The following RUNX2 variants were observed in gnomAD, a reference collection of about 807,000 sequenced individuals.
RUNX2 encodes RUNX family transcription factor 2, also known as runt-related transcription factor 2.
RUNX2 carries 10 observed loss-of-function variants against 51.7 expected under a neutral mutation model. The observed-to-expected ratio is 0.19, with a 90% CI of 0.12 to 0.33. The LOEUF (loss-of-function observed/expected upper bound fraction) is 0.33, where lower values mean the gene tolerates loss of function less well. Ranked by LOEUF, RUNX2 falls within the 10% of genes least tolerant of loss-of-function variation. RUNX2 has a pLI of 1.00. For synonymous variants in RUNX2, 276 were observed against 273.6 expected (o/e 1.01, Z -0.09); for missense variants, 562 against 691.3 (o/e 0.81, Z 2.10).
intron 2 of RUNX2, among the ~76,000 whole-genome samples, chr6:45,351,222 T>C (rs1490211989): frequency 1.3e-5 from 2 of 151,934 alleles, no homozygotes; most frequent in Non-Finnish European, 1.5e-5. Context: ...TCTAAATTAG[T>C]GAAAACACTT....
intron 5 of RUNX2, among the ~76,000 whole-genome samples, chr6:45,451,110 A>G (rs1799158728): frequency 6.6e-6 from 1 of 152,202 alleles, no homozygotes; most frequent in South Asian, 2.1e-4. Flanking sequence ...AGTGAATCAA[A>G]TCAGATTAGC....
intron 5 of RUNX2, among the ~76,000 whole-genome samples, chr6:45,491,625 T>TTG (rs1554395322): frequency 6.9e-5 from 10 of 144,568 alleles, no homozygotes; most frequent in Non-Finnish European, 1.1e-4. Flanking sequence ...CCTGTTTGTT[T>TTG]TTTTTTTTTT....
At chr6:45,428,961 T>C (rs934295518) in intron 3 of RUNX2, among the ~76,000 whole-genome samples, 2 of 151,942 alleles carry the variant, frequency 1.3e-5, no homozygotes, top group African/African-American at 4.8e-5. Flanking sequence ...ACGTACTCAG[T>C]TGAACCCTTT....
chr6:45,509,549 A>G (rs1461223574), intron 6 of RUNX2, among the ~76,000 whole-genome samples: 1 of 152,198 alleles, frequency 6.6e-6, no homozygotes, highest in Non-Finnish European at 1.5e-5. Context: ...ATGTGTGACC[A>G]CTTTACTATA....
chr6:45,442,356 A>G (rs1329357434), intron 5 of RUNX2, among the ~76,000 whole-genome samples: 1 of 152,172 alleles, frequency 6.6e-6, no homozygotes, highest in East Asian at 1.9e-4. Flanking sequence ...TCAGCCGGAG[A>G]AGTGGTGTAG....
rs1039966815 is a variant in RUNX2, at chr6:45,359,861, C to T, written c.58+31077C>T. Among the ~76,000 whole-genome samples, 6 of 152,026 alleles carry T rather than the reference C, an allele frequency of 3.9e-5. No individual in the cohort carries two copies. In the South Asian group the frequency reaches 8.3e-4, roughly 21 times the overall value. Reference sequence around the variant, plus strand: ...AAGTTCAAGACCAGCCTGGGCAACACGACAAAATCCTGCCTCTACAAAACA... The same window carrying T: ...AAGTTCAAGACCAGCCTGGGCAACATGACAAAATCCTGCCTCTACAAAACA... On this transcript the variant is annotated intron_variant, in intron 2 of 8. Transcript: ENST00000647337.
chr6:45,390,005 CA>C (rs5875920), intron 2 of RUNX2, among the ~76,000 whole-genome samples: 104,587 of 144,150 alleles, frequency 0.73, 37,454 homozygotes, highest in Non-Finnish European at 0.77. Flanking sequence ...GACTCTGTCT[CA>C]AAAAAAAAAA....
chr6:45,472,381 A>G (rs889968092), intron 5 of RUNX2, among the ~76,000 whole-genome samples: 3 of 152,196 alleles, frequency 2.0e-5, no homozygotes, highest in Non-Finnish European at 4.4e-5. Flanking sequence ...TGATGTTGGA[A>G]TTACATTCCC....
At chr6:45,347,457 C>G (rs1178390015) in intron 2 of RUNX2, among the ~76,000 whole-genome samples, 1 of 151,778 alleles carries the variant, frequency 6.6e-6, no homozygotes, top group Non-Finnish European at 1.5e-5. Context: ...CATAATGAAC[C>G]CAAAAGGAAT....
intron 2 of RUNX2, among the ~76,000 whole-genome samples, chr6:45,331,663 T>A (rs1166519890): frequency 6.6e-6 from 1 of 151,944 alleles, no homozygotes; most frequent in Non-Finnish European, 1.5e-5. Flanking sequence ...TTTTTATTTT[T>A]AAAAAATGTT....
intron 5 of RUNX2, among the ~76,000 whole-genome samples, chr6:45,476,324 C>CAA (rs1799954960): frequency 6.6e-6 from 1 of 152,028 alleles, no homozygotes; most frequent in East Asian, 1.9e-4. Context: ...CCATGAGATT[C>CAA]AAGGAGCCTT....
chr6:45,467,876 C>T (rs1368044094), intron 5 of RUNX2, among the ~76,000 whole-genome samples: 2 of 152,240 alleles, frequency 1.3e-5, no homozygotes, highest in Non-Finnish European at 2.9e-5. Flanking sequence ...ACTAACCTTT[C>T]CTTACCTTAA....
At chr6:45,398,338 G>A (rs1319166087) in intron 2 of RUNX2, among the ~76,000 whole-genome samples, 1 of 152,140 alleles carries the variant, frequency 6.6e-6, no homozygotes, top group Admixed American at 6.6e-5. Context: ...TATCATTGAA[G>A]TTGTTAAGAG....
At chr6:45,511,640 C>T (rs917157542) in intron 6 of RUNX2, among the ~76,000 whole-genome samples, 5 of 152,212 alleles carry the variant, frequency 3.3e-5, no homozygotes, top group African/African-American at 1.2e-4. Flanking sequence ...CCTCCATTCT[C>T]ATTCCTGCCC....
At chr6:45,518,932 C>A (rs1289308168) in intron 7 of RUNX2, among the ~76,000 whole-genome samples, 1 of 152,152 alleles carries the variant, frequency 6.6e-6, no homozygotes, top group Admixed American at 6.6e-5. Context: ...TAACTTAGGA[C>A]ACCTGAGTTT....
intron 3 of RUNX2, among the ~76,000 whole-genome samples, chr6:45,428,604 T>G (rs1798450276): frequency 6.6e-6 from 1 of 152,188 alleles, no homozygotes; most frequent in South Asian, 2.1e-4. Flanking sequence ...TTATTTGTTT[T>G]GTAAAATGTG....
At chr6:45,476,872 A>G (rs73448160) in intron 5 of RUNX2, among the ~76,000 whole-genome samples, 225 of 152,280 alleles carry the variant, frequency 1.5e-3, no homozygotes, top group African/African-American at 5.2e-3. Context: ...ATTCTTATGC[A>G]AGGATGTACA....
In RUNX2 at chr6:45,461,891, T is replaced by A. The variant is rs184724487; in HGVS notation, c.685+23840T>A. Among the ~76,000 whole-genome samples, 624 of 152,300 alleles carry A rather than the reference T, an allele frequency of 4.1e-3. 1 individual carries two copies. Among genetic ancestry groups the A allele is most frequent in the Admixed American group, 4.8e-3 (73 of 15,302 alleles). On this transcript the variant is annotated intron_variant, in intron 5 of 8. Coordinates refer to ENST00000647337, the MANE Select transcript of RUNX2 (RefSeq NM_001024630.4). ...TTAATTGGTTGCTGCAACTTTTTTT[T>A]AAATGTGATTTGACAATATAAATTA...
rs568725306 is a variant in RUNX2 at position 45,356,388 on chromosome 6, A to G, written c.58+27604A>G. On this transcript the variant is annotated intron_variant, in intron 2 of 8. Transcript: ENST00000647337. ...TCTTAAAACACATTGGAATATATCA[A>G]TTCTCATTTCTTTTTTTTTCTTTTT... Among the ~76,000 whole-genome samples the G allele has an allele frequency of 6.6e-5, 10 of 152,020 alleles. No homozygotes were observed. In the South Asian group the frequency reaches 2.1e-3, roughly 32 times the overall value.
Sources: gnomAD v4.1 joint callset for allele counts (sites outside exome capture counted in the v4.1 genomes callset) on GRCh38, gnomAD v4.1.1 for gene constraint, MANE v1.5 for transcripts, NCBI Gene and HGNC (gene_info 2026-07-23, HGNC 2026-07-21) for gene names.